The following FHIP1A variants were observed in gnomAD, a reference collection of about 807,000 sequenced individuals.
FHIP1A encodes FHF complex subunit HOOK interacting protein 1A.
In FHIP1A, 61 loss-of-function variants were observed where a neutral mutation model predicts 88.6. The observed-to-expected ratio is 0.69, with a 90% CI of 0.56 to 0.85. FHIP1A has a LOEUF of 0.85. Among genes scored for constraint, FHIP1A ranks in the 40% least tolerant of loss-of-function variants. The pLI, the probability that FHIP1A is intolerant of heterozygous loss-of-function variation, is 0.00. For missense variants in FHIP1A, 1,154 were observed against 1,273.5 expected, an observed-to-expected ratio of 0.91 and a Z score of 1.43; for synonymous variants, 478 against 496.0, an observed-to-expected ratio of 0.96 and a Z score of 0.48.
At chr4:151,421,982 A>G (rs571159307) in intron 1 of FHIP1A, among the ~76,000 whole-genome samples, 1 of 152,072 alleles carries the variant, frequency 6.6e-6, no homozygotes, top group South Asian at 2.1e-4. Context: ...ATCTTGTTCT[A>G]CTAGGGGATG....
chr4:151,467,155 G>A (rs1272547910), intron 2 of FHIP1A, among the ~76,000 whole-genome samples: 1 of 152,224 alleles, frequency 6.6e-6, no homozygotes, highest in Non-Finnish European at 1.5e-5. Flanking sequence ...CTATCAAAAA[G>A]TGGGCAAAGG....
In FHIP1A at chr4:151,666,424, AT is replaced by A. The variant is rs1410283384; in HGVS notation, c.*3675del. ...AGGTGTTAGGTAGGACGCATTCGGTATTTTTATAGGTCATCAGGAGTACCCT... is the reference window on the plus strand; with the variant it reads ...AGGTGTTAGGTAGGACGCATTCGGTATTTTATAGGTCATCAGGAGTACCCT... On this transcript the variant is annotated 3_prime_UTR_variant, in exon 14 of 14. Transcript: ENST00000435205. 2.0e-5 allele frequency among the ~76,000 whole-genome samples: 3 copies of A among 152,114 alleles called. No individual in the cohort carries two copies. The highest frequency in any genetic ancestry group is 2.0e-4 in the Admixed American group (3 of 15,276).
Position 151,656,182 on chromosome 4 carries a change from G to A in FHIP1A, c.2552-50G>A. On this transcript the variant is annotated intron_variant, in intron 11 of 13. Transcript: ENST00000435205. The surrounding 1 kb of genome is among the most constrained non-coding windows in gnomAD (Gnocchi z 4.2). ...GATGGTTCTGCAATTGTCAGGGAAA[G>A]GCATCCCTGTGAGCCCAGCCAGCCC... The A allele has an allele frequency of 6.9e-7, 1 of 1,440,688 alleles. No individual in the cohort carries two copies. The highest frequency in any genetic ancestry group is 1.3e-5 in the South Asian group (1 of 79,572). The allele number at this position is 1,440,688 out of a possible 1,614,324, so 89.2% of individuals were successfully genotyped here. A position where few individuals can be genotyped will look rare whatever the true frequency, so the allele number is the denominator to read the frequency against.
At chr4:151,619,204 T>C (rs571598390) in intron 7 of FHIP1A, among the ~76,000 whole-genome samples, 2 of 152,206 alleles carry the variant, frequency 1.3e-5, no homozygotes, top group Non-Finnish European at 2.9e-5. Context: ...TGTACAAAAA[T>C]AGCAAACAAA....
At chr4:151,462,231 C>G (rs1729166118) in intron 2 of FHIP1A, among the ~76,000 whole-genome samples, 2 of 152,060 alleles carry the variant, frequency 1.3e-5, no homozygotes, top group Admixed American at 1.3e-4. Context: ...TCATTAAGGT[C>G]CTTATTTTGC....
At chr4:151,411,238 G>C (rs1732627160) in intron 1 of FHIP1A, among the ~76,000 whole-genome samples, 1 of 151,906 alleles carries the variant, frequency 6.6e-6, no homozygotes, top group South Asian at 2.1e-4. Context: ...ATAGGAACTT[G>C]ATAGATAATG....
chr4:151,487,750 G>T (rs576943594), intron 3 of FHIP1A, among the ~76,000 whole-genome samples: 1 of 152,200 alleles, frequency 6.6e-6, no homozygotes, highest in Admixed American at 6.5e-5. Context: ...TTTTCTCATC[G>T]TACAAATAAG....
At chr4:151,592,452 G>T (rs1288473657) in intron 7 of FHIP1A, among the ~76,000 whole-genome samples, 1 of 152,130 alleles carries the variant, frequency 6.6e-6, no homozygotes, top group Non-Finnish European at 1.5e-5. Context: ...ACTTTTTAAT[G>T]ATTGCCATTC....
intron 7 of FHIP1A, among the ~76,000 whole-genome samples, chr4:151,605,697 G>C (rs1353003162): frequency 6.6e-6 from 1 of 152,196 alleles, no homozygotes; most frequent in Non-Finnish European, 1.5e-5. Context: ...TTACAAGCTT[G>C]TCTTCCAAAC....
At chr4:151,601,918 G>A (rs1027467773) in intron 7 of FHIP1A, among the ~76,000 whole-genome samples, 2 of 152,020 alleles carry the variant, frequency 1.3e-5, no homozygotes, top group Non-Finnish European at 1.5e-5. Context: ...AATCATGGTG[G>A]AAGGCAAGCA....
intron 13 of FHIP1A, among the ~76,000 whole-genome samples, 166 bp downstream of exon 13, chr4:151,657,064 C>A (rs60323168): frequency 2.2e-3 from 331 of 152,264 alleles, no homozygotes; most frequent in Middle Eastern, 0.017. Flanking sequence ...CATTCTTAAA[C>A]CTAAAGAAAG....
intron 3 of FHIP1A, among the ~76,000 whole-genome samples, chr4:151,486,757 G>A (rs1163988216): frequency 2.0e-5 from 3 of 151,784 alleles, no homozygotes; most frequent in African/African-American, 7.2e-5. Context: ...GCCTGAGGTC[G>A]GGAGTTCGAG....
At chr4:151,457,164 T>C (rs549626210) in intron 2 of FHIP1A, among the ~76,000 whole-genome samples, 33 of 152,300 alleles carry the variant, frequency 2.2e-4, no homozygotes, top group African/African-American at 6.0e-4. Context: ...TTTTTCCCCA[T>C]AAATGATGTA....
chr4:151,584,496 A>G (rs1451048723), intron 5 of FHIP1A, among the ~76,000 whole-genome samples: 2 of 152,266 alleles, frequency 1.3e-5, no homozygotes, highest in East Asian at 1.9e-4. Flanking sequence ...GATGCCAGGC[A>G]TTGTGGATTA....
chr4:151,572,027 G>A lies in FHIP1A; in HGVS notation c.106-5423G>A, dbSNP rs577985464. ...GTTTGAGACCAGCCTGGCCAACATG[G>A]TGAAACACCATCTCTACTAAAATAC... On this transcript the variant is annotated intron_variant, in intron 4 of 13. Coordinates refer to ENST00000435205, the MANE Select transcript of FHIP1A (RefSeq NM_001109977.3). Among the ~76,000 whole-genome samples, 6 of 152,278 alleles carry A rather than the reference G, an allele frequency of 3.9e-5. No homozygotes were observed. In the South Asian group the frequency reaches 1.2e-3, roughly 32 times the overall value.
At chr4:151,644,398 C>T (rs1736710187) in intron 9 of FHIP1A, among the ~76,000 whole-genome samples, 1 of 152,054 alleles carries the variant, frequency 6.6e-6, no homozygotes, top group African/African-American at 2.4e-5. Context: ...GTCCCCCAGG[C>T]TGGAGTGCAG....
At chr4:151,602,351 C>A (rs1734906131) in intron 7 of FHIP1A, among the ~76,000 whole-genome samples, 1 of 152,152 alleles carries the variant, frequency 6.6e-6, no homozygotes, top group Non-Finnish European at 1.5e-5. Flanking sequence ...ACCATTTAGT[C>A]AGTGTGCACC....
intron 3 of FHIP1A, among the ~76,000 whole-genome samples, chr4:151,562,518 C>T (rs537255483): frequency 6.6e-6 from 1 of 152,316 alleles, no homozygotes; most frequent in South Asian, 2.1e-4. Context: ...AATATAATCA[C>T]TTTTCCTTCA....
intron 1 of FHIP1A, among the ~76,000 whole-genome samples, chr4:151,452,951 T>C (rs200701103): frequency 1.5e-4 from 18 of 119,406 alleles, no homozygotes; most frequent in East Asian, 1.0e-3. Context: ...TATATATATA[T>C]ACATACACAC....
Sources: allele counts gnomAD v4.1 joint callset (sites outside exome capture counted in the v4.1 genomes callset), GRCh38; gene constraint gnomAD v4.1.1; non-coding constraint Gnocchi (gnomAD v3.1); transcripts MANE v1.5; gene names NCBI Gene and HGNC (gene_info 2026-07-23, HGNC 2026-07-21).